The following MESD variants were observed in gnomAD, a reference collection of about 807,000 sequenced individuals.
MESD encodes LRP chaperone MESD.
A neutral mutation model predicts 12.9 loss-of-function variants in MESD; 7 were observed. The observed-to-expected ratio is 0.54, with a 90% CI of 0.31 to 1.02. MESD has a LOEUF of 1.02. MESD is among the 50% of genes least tolerant of loss of function. The pLI is 0.05. For synonymous variants in MESD, 126 were observed against 115.6 expected, an observed-to-expected ratio of 1.09 and a Z score of -0.58; for missense variants, 342 against 296.7, an observed-to-expected ratio of 1.15 and a Z score of -1.12.
chr15:80,983,256 A>G (rs1220415521), intron 1 of MESD, among the ~76,000 whole-genome samples: 6 of 152,088 alleles, frequency 3.9e-5, no homozygotes, highest in African/African-American at 7.2e-5. Flanking sequence ...AGAAAAAAAA[A>G]AAAAGAAAAG....
intron 3 of MESD, among the ~76,000 whole-genome samples, chr15:80,968,439 G>A (rs561524178): frequency 1.5e-4 from 23 of 152,184 alleles, no homozygotes; most frequent in Admixed American, 8.5e-4. Context: ...CTCTCAGCAA[G>A]GGGCTTAACC....
chr15:80,989,422 G>C (rs1893232809), intron 1 of MESD, among the ~76,000 whole-genome samples, 157 bp downstream of exon 1: 1 of 152,182 alleles, frequency 6.6e-6, no homozygotes, highest in Non-Finnish European at 1.5e-5. Context: ...AGGAGGAATG[G>C]AGGGTCAACA....
chr15:80,986,889 T>G (rs1478830328), intron 1 of MESD, among the ~76,000 whole-genome samples: 1 of 152,234 alleles, frequency 6.6e-6, no homozygotes, highest in Non-Finnish European at 1.5e-5. Context: ...AAGTAGCTAC[T>G]AAGTCCCAGG....
chr15:80,980,008 A>G (rs1902532127), intron 2 of MESD, among the ~76,000 whole-genome samples: 4 of 152,268 alleles, frequency 2.6e-5, no homozygotes, highest in Non-Finnish European at 4.4e-5. Context: ...CAAGCTGCCC[A>G]GCTCGTCCAC....
chr15:80,972,674 G>C (rs939620370), downstream of MESD, among the ~76,000 whole-genome samples: 5 of 152,164 alleles, frequency 3.3e-5, no homozygotes, highest in African/African-American at 1.2e-4. Context: ...CAAGAGGACG[G>C]GAATATTACA....
chr15:80,948,698 G>C (rs1433977690), exon 5 of MESD: 3 of 1,518,728 alleles, frequency 2.0e-6, no homozygotes, highest in Non-Finnish European at 2.7e-6. Flanking sequence ...GGCGGTACCT[G>C]GTGGGCGTGG....
In MESD at chr15:80,989,734, G is replaced by A; in HGVS notation, c.58C>T (p.Leu20=). The A allele has an allele frequency of 1.2e-6, 2 of 1,605,416 alleles. No individual in the cohort carries two copies. Among genetic ancestry groups the A allele is most frequent in the Non-Finnish European group, 1.7e-6 (2 of 1,179,828 alleles). ...GGTGGTAGCAGTAGCAGCAGCAGCA[G>A]CAGGTCAGAGGCACAAAGCAGGACC... The part of the protein sequence containing the change: ...AVVLLCASDL[L]LLLLLLPPPG... Residue 20 remains leucine (L), a synonymous_variant, in exon 1 of 3, where the codon CTG becomes TTG. Coordinates refer to ENST00000261758, the MANE Select transcript of MESD (RefSeq NM_015154.3).
downstream of MESD, among the ~76,000 whole-genome samples, chr15:80,972,705 G>A (rs1184420160): frequency 1.3e-5 from 2 of 152,342 alleles, no homozygotes; most frequent in South Asian, 2.1e-4. Flanking sequence ...AACGCTGAAC[G>A]CAGAGACCAG....
At chr15:80,987,325 A>C (rs947172954) in intron 1 of MESD, among the ~76,000 whole-genome samples, 1 of 152,148 alleles carries the variant, frequency 6.6e-6, no homozygotes, top group African/African-American at 2.4e-5. Flanking sequence ...TCCCACATAA[A>C]AAACACTGCT....
At chr15:80,957,854 T>C (rs1277662757) in intron 3 of MESD, among the ~76,000 whole-genome samples, 1 of 152,064 alleles carries the variant, frequency 6.6e-6, no homozygotes, top group Non-Finnish European at 1.5e-5. Context: ...GGCCTTCCAC[T>C]GGTTGGATGA....
chr15:80,983,458 A>G (rs1004403647), intron 1 of MESD, among the ~76,000 whole-genome samples: 9 of 152,192 alleles, frequency 5.9e-5, no homozygotes, highest in Non-Finnish European at 1.2e-4. Context: ...ATTGAGGGTA[A>G]TGAGAGCCAG....
intron 3 of MESD, among the ~76,000 whole-genome samples, chr15:80,953,803 G>C (rs915480992): frequency 6.6e-6 from 1 of 152,176 alleles, no homozygotes; most frequent in Non-Finnish European, 1.5e-5. Flanking sequence ...TGGCCTTAGA[G>C]GTCAGTGCAG....
chr15:80,960,462 G>A (rs1902066155), intron 3 of MESD, among the ~76,000 whole-genome samples: 1 of 151,558 alleles, frequency 6.6e-6, no homozygotes, highest in African/African-American at 2.4e-5. Context: ...ACACAAAGTG[G>A]AAAGAAGGAG....
downstream of MESD, among the ~76,000 whole-genome samples, chr15:80,971,841 G>A (rs1902295021): frequency 6.6e-6 from 1 of 151,768 alleles, no homozygotes; most frequent in Admixed American, 6.6e-5. Context: ...AGCTACTTGG[G>A]AGGGAGGCTG....
Position 80,979,321 on chromosome 15 carries a change from A to C in MESD, c.603T>G (p.Asn201Lys). 6.2e-7 allele frequency: 1 copy of C among 1,613,246 alleles called. No individual in the cohort carries two copies. Among genetic ancestry groups the C allele is most frequent in the Non-Finnish European group, 8.5e-7 (1 of 1,179,854 alleles). ...PGKGGGSKEKNKTKQDKGKKK... is the reference protein window; with the variant it reads ...PGKGGGSKEKKKTKQDKGKKK... ...TTTTGCCCTTGTCTTGCTTTGTTTTATTTTTCTCTTTGCTTCCTCCTCCTT... is the reference window on the plus strand; with the variant it reads ...TTTTGCCCTTGTCTTGCTTTGTTTTCTTTTTCTCTTTGCTTCCTCCTCCTT... The change falls in exon 3 of 3, where the codon AAT (asparagine) becomes AAG (lysine). Residue 201 changes from asparagine (N) to lysine (K), a missense_variant. Coordinates refer to ENST00000261758, the MANE Select transcript of MESD (RefSeq NM_015154.3).
intron 3 of MESD, among the ~76,000 whole-genome samples, chr15:80,968,378 C>T (rs966675585): frequency 2.6e-5 from 4 of 152,224 alleles, no homozygotes; most frequent in African/African-American, 9.7e-5. Flanking sequence ...GCAGTGCCTC[C>T]AGAAGAAAAC....
At position 80,983,615 on chromosome 15, in the gene MESD, T is replaced by G. The variant is rs114603199; in HGVS notation, c.214-1433A>C. On this transcript the variant is annotated intron_variant, in intron 1 of 2. Transcript: ENST00000261758. ...TAAACAGATTAATGGATAAAAATAT[T>G]TAAAAGAGCGTGGGTTCCTTGGAGA... is the stretch of plus-strand genomic sequence containing the variant. 7.0e-3 allele frequency among the ~76,000 whole-genome samples: 1,068 copies of G among 152,222 alleles called. 17 individuals carry two copies. Among genetic ancestry groups the G allele is most frequent in the African/African-American group, 0.025 (1,022 of 41,540 alleles).
intron 3 of MESD, among the ~76,000 whole-genome samples, chr15:80,969,623 G>A (rs1203943089): frequency 1.3e-5 from 2 of 152,132 alleles, no homozygotes; most frequent in Admixed American, 6.5e-5. Flanking sequence ...GGGAGGTCGA[G>A]GCAGGCGGAT....
In MESD at chr15:80,976,152, C is replaced by T. The variant is rs1902409224; in HGVS notation, c.*3067G>A. On this transcript the variant is annotated 3_prime_UTR_variant, in exon 3 of 3. Transcript: ENST00000261758. ...TAGCTGGGATTACAGGCCCGCACCA[C>T]CACACTCGGCTAATTTTTAGTAGAG... 1 of 152,344 alleles carries T rather than the reference C, an allele frequency of 6.6e-6. No individual in the cohort carries two copies. Among genetic ancestry groups the T allele is most frequent in the South Asian group, 2.1e-4 (1 of 4,834 alleles). 9.4% of individuals were successfully genotyped at this position (152,344 alleles called of 1,614,324 possible).
Sources: gnomAD v4.1 joint callset for allele counts (sites outside exome capture counted in the v4.1 genomes callset) on GRCh38, gnomAD v4.1.1 for gene constraint, MANE v1.5 for transcripts, NCBI Gene and HGNC (gene_info 2026-07-23, HGNC 2026-07-21) for gene names.